Variants in FCHO2 observed in about 807,000 individuals in gnomAD.
The protein encoded by FCHO2 is FCH and mu domain containing endocytic adaptor 2.
A neutral mutation model predicts 114.1 loss-of-function variants in FCHO2; 43 were observed. The observed-to-expected ratio is 0.38, with a 90% CI of 0.30 to 0.49. The LOEUF (loss-of-function observed/expected upper bound fraction) is 0.49. Ranked by LOEUF, FCHO2 falls within the 20% of genes least tolerant of loss-of-function variation. FCHO2 has a pLI of 0.97. For synonymous variants in FCHO2, 293 were observed against 315.2 expected (o/e 0.93, Z 0.75); for missense variants, 807 against 950.4 (o/e 0.85, Z 1.98).
chr5:72,968,713 G>A, intron 2 of FCHO2, 124 bp downstream of exon 2: 1 of 668,216 alleles, frequency 1.5e-6, no homozygotes, highest in South Asian at 2.2e-5. Context: ...AATATGTACT[G>A]TAATTATATC....
chr5:73,013,404 AAGGCTT>A (rs1755124449), intron 6 of FCHO2, among the ~76,000 whole-genome samples: 2 of 152,220 alleles, frequency 1.3e-5, no homozygotes, highest in South Asian at 4.1e-4. Context: ...TAAAAATAGT[AAGGCTT>A]AGGCCCATTC....
chr5:73,022,740 A>G (rs1755697952), intron 8 of FCHO2, among the ~76,000 whole-genome samples: 1 of 152,214 alleles, frequency 6.6e-6, no homozygotes, highest in Non-Finnish European at 1.5e-5. Flanking sequence ...CAAAAATTCC[A>G]TGCATTGGCT....
intron 19 of FCHO2, among the ~76,000 whole-genome samples, chr5:73,072,934 T>G (rs986387700): frequency 6.6e-6 from 1 of 152,060 alleles, no homozygotes; most frequent in African/African-American, 2.4e-5. Context: ...GAGAAAAGAT[T>G]ATTACAGCCT....
At chr5:72,993,844 G>T (rs187731) in intron 5 of FCHO2, among the ~76,000 whole-genome samples, 117,329 of 152,126 alleles carry the variant, frequency 0.77, 46,409 homozygotes, top group Non-Finnish European at 0.86. Context: ...TGGAGCACTT[G>T]AAAGAAATGG....
At chr5:72,981,638 T>C (rs943042245) in intron 2 of FCHO2, among the ~76,000 whole-genome samples, 4 of 152,206 alleles carry the variant, frequency 2.6e-5, no homozygotes, top group African/African-American at 9.6e-5. Flanking sequence ...AGGCTTTGTT[T>C]GTTCCTTTTC....
intron 5 of FCHO2, among the ~76,000 whole-genome samples, chr5:72,994,562 A>G (rs1440485949): frequency 6.6e-6 from 1 of 152,206 alleles, no homozygotes; most frequent in Non-Finnish European, 1.5e-5. Flanking sequence ...CATTGTGGAA[A>G]GCAGTGTGTG....
intron 16 of FCHO2, among the ~76,000 whole-genome samples, chr5:73,056,999 T>C (rs1757627208): frequency 6.6e-6 from 1 of 152,092 alleles, no homozygotes; most frequent in Non-Finnish European, 1.5e-5. Context: ...TTACTCTGTC[T>C]CTCAGGCTGG....
At chr5:73,046,717 G>C (rs1418488086) in intron 11 of FCHO2, among the ~76,000 whole-genome samples, 1 of 152,184 alleles carries the variant, frequency 6.6e-6, no homozygotes, top group East Asian at 1.9e-4. Context: ...GCAAGCAGTA[G>C]AAAGAAAGGG....
At position 72,956,132 on chromosome 5, in the gene FCHO2, A is replaced by G. The variant is rs1161008181; in HGVS notation, c.33+3A>G. The G allele has an allele frequency of 3.2e-6, 5 of 1,539,574 alleles. No individual in the cohort carries two copies. The highest frequency in any genetic ancestry group is 3.5e-6 in the Non-Finnish European group (4 of 1,142,368). ...CGTATTTCGTCGAGAATTTTTGGGT[A>G]AGCTTAGGATGTTGGAAGTCGTGTG... On this transcript the variant is annotated splice_donor_region_variant and intron_variant, in intron 1 of 25. Transcript: ENST00000430046.
chr5:73,053,940 TAATC>T (rs1383186262), intron 13 of FCHO2, among the ~76,000 whole-genome samples: 1 of 152,152 alleles, frequency 6.6e-6, no homozygotes, highest in African/African-American at 2.4e-5. Context: ...ATGAAAATAA[TAATC>T]AGAACAATTT....
At chr5:72,991,810 T>C (rs1753830063) in intron 5 of FCHO2, among the ~76,000 whole-genome samples, 1 of 152,226 alleles carries the variant, frequency 6.6e-6, no homozygotes, top group African/African-American at 2.4e-5. Flanking sequence ...AAAACAGCTG[T>C]GTATTTATAT....
At chr5:73,081,449 G>A (rs1374083262) in intron 22 of FCHO2, among the ~76,000 whole-genome samples, 2 of 152,114 alleles carry the variant, frequency 1.3e-5, no homozygotes, top group Admixed American at 1.3e-4. Flanking sequence ...TGGAAGATTC[G>A]CAAACTTTAC....
Position 73,027,077 on chromosome 5 carries a change from G to A in FCHO2, c.797-7580G>A, listed in dbSNP as rs186585413. Among the ~76,000 whole-genome samples, 7 of 143,772 alleles carry A rather than the reference G, an allele frequency of 4.9e-5. No individual in the cohort carries two copies. The East Asian group carries it at 1.4e-3, about 29-fold the overall frequency. The allele number at this position is 143,772 out of a possible 152,430, so 94.3% of individuals were successfully genotyped here. ...TGGTTCCTCTGGAATTTGAGTCACT[G>A]TAAGAGGATGCTTTGAATATTAAGG... is the stretch of plus-strand genomic sequence containing the variant. On this transcript the variant is annotated intron_variant, in intron 8 of 25. Coordinates refer to ENST00000430046, the MANE Select transcript of FCHO2 (RefSeq NM_138782.3).
At chr5:73,069,622 T>A (rs2112876258) in intron 19 of FCHO2, among the ~76,000 whole-genome samples, 1 of 151,814 alleles carries the variant, frequency 6.6e-6, no homozygotes, top group East Asian at 1.9e-4. Context: ...AGTGATGGGG[T>A]GGGGGGCGGT....
At position 73,088,557 on chromosome 5, in the gene FCHO2, C is replaced by T. The variant is rs1476364283; in HGVS notation, c.*467C>T. On this transcript the variant is annotated 3_prime_UTR_variant, in exon 26 of 26. Coordinates refer to ENST00000430046, the MANE Select transcript of FCHO2 (RefSeq NM_138782.3). ...AATTCTAAGTTTTGGGTAATGTTAA[C>T]TCAGAACACTTAATCAAATTGAGCT... 1 of 162,714 alleles carries T rather than the reference C, an allele frequency of 6.1e-6. No individual in the cohort carries two copies. The highest frequency in any genetic ancestry group is 1.4e-5 in the Non-Finnish European group (1 of 73,882). The allele number at this position is 162,714 out of a possible 1,614,324, so 10.1% of individuals were successfully genotyped here.
intron 2 of FCHO2, among the ~76,000 whole-genome samples, chr5:72,971,861 G>A (rs910608635): frequency 1.9e-4 from 29 of 152,136 alleles, no homozygotes; most frequent in Non-Finnish European, 3.4e-4. Flanking sequence ...TTAATCCATC[G>A]TGAATTGATT....
rs570759776 is a variant in FCHO2, at chr5:72,978,051, C to CA, written c.125+9463dup. Among the ~76,000 whole-genome samples the CA allele has an allele frequency of 1.3e-3, 202 of 152,078 alleles. 1 individual carries two copies. The highest frequency in any genetic ancestry group is 4.7e-3 in the African/African-American group (195 of 41,516). On this transcript the variant is annotated intron_variant, in intron 2 of 25. Coordinates refer to ENST00000430046, the MANE Select transcript of FCHO2 (RefSeq NM_138782.3). Reference sequence around the variant, plus strand: ...GTAGTGTAGTTTGAAGTGATGCCTCCAGCTTTGTTCTTTTTGCCTAGGATT... The same window carrying CA: ...GTAGTGTAGTTTGAAGTGATGCCTCCAAGCTTTGTTCTTTTTGCCTAGGATT...
In FCHO2 at chr5:72,989,502, G is replaced by T; in HGVS notation, c.200+1G>T. On this transcript the variant is annotated splice_donor_variant, in intron 3 of 25. Transcript: ENST00000430046. LOFTEE classifies it high-confidence loss of function. ...CTGCAAGCAATTATTCACAACTTGG[G>T]TGAGTTAATTTCTTCCTCTTTTTCA... 1.3e-6 allele frequency: 2 copies of T among 1,596,092 alleles called. No individual in the cohort carries two copies. The highest frequency in any genetic ancestry group is 2.2e-5 in the East Asian group (1 of 44,472).
chr5:72,992,991 T>G (rs991501472), intron 5 of FCHO2, among the ~76,000 whole-genome samples: 2 of 150,442 alleles, frequency 1.3e-5, no homozygotes, highest in African/African-American at 2.4e-5. Context: ...CTATTCTGAA[T>G]GAGCAAACAA....
Sources: allele counts gnomAD v4.1 joint callset (sites outside exome capture counted in the v4.1 genomes callset), GRCh38; gene constraint gnomAD v4.1.1; transcripts MANE v1.5; gene names NCBI Gene and HGNC (gene_info 2026-07-23, HGNC 2026-07-21).